The following CDH13 variants were observed in gnomAD, a reference collection of about 807,000 sequenced individuals.
The protein encoded by CDH13 is cadherin-13.
Under a neutral mutation model 63.8 loss-of-function variants are expected in CDH13, and 24 were observed. The observed-to-expected ratio is 0.38, with a 90% CI of 0.27 to 0.53. The LOEUF (loss-of-function observed/expected upper bound fraction) is 0.53, where lower values mean the gene tolerates loss of function less well. Ranked by LOEUF, CDH13 falls within the 20% of genes least tolerant of loss-of-function variation. CDH13 has a pLI of 0.85. For missense variants in CDH13, 1,049 were observed against 903.1 expected (o/e 1.16, Z -2.07); for synonymous variants, 503 against 355.3 (o/e 1.42, Z -4.67).
intron 3 of CDH13, among the ~76,000 whole-genome samples, chr16:83,077,643 G>A (rs1418869033): frequency 6.6e-6 from 1 of 152,136 alleles, no homozygotes; most frequent in Non-Finnish European, 1.5e-5. Flanking sequence ...TCCAGCTTTT[G>A]ATTACAATGA....
At chr16:82,747,965 C>T (rs2034251964) in intron 1 of CDH13, among the ~76,000 whole-genome samples, 1 of 152,172 alleles carries the variant, frequency 6.6e-6, no homozygotes, top group African/African-American at 2.4e-5. Context: ...TTGATAATAC[C>T]TGGAAAAGCT....
chr16:83,004,651 C>T (rs1567735521), intron 2 of CDH13, among the ~76,000 whole-genome samples: 1 of 152,064 alleles, frequency 6.6e-6, no homozygotes, highest in Non-Finnish European at 1.5e-5. Context: ...GTGCCCGCCA[C>T]CACACCCAGC....
chr16:82,869,002 A>G (rs2040251413), intron 2 of CDH13, among the ~76,000 whole-genome samples: 1 of 152,192 alleles, frequency 6.6e-6, no homozygotes, highest in Non-Finnish European at 1.5e-5. Flanking sequence ...GTCTGTTTTG[A>G]GGGCTAAATA....
intron 10 of CDH13, among the ~76,000 whole-genome samples, chr16:83,738,721 C>T (rs1052619311): frequency 5.9e-5 from 9 of 152,152 alleles, no homozygotes; most frequent in Non-Finnish European, 1.3e-4. Flanking sequence ...GCCTGGCCAA[C>T]ATAGTGAAAC....
chr16:83,223,233 G>C (rs908248484), intron 5 of CDH13, among the ~76,000 whole-genome samples: 1 of 152,146 alleles, frequency 6.6e-6, no homozygotes, highest in Non-Finnish European at 1.5e-5. Flanking sequence ...GTCTTGTAAG[G>C]CCATTCTCTT....
intron 1 of CDH13, among the ~76,000 whole-genome samples, chr16:82,760,366 C>T (rs561446688): frequency 6.6e-6 from 1 of 152,130 alleles, no homozygotes; most frequent in Non-Finnish European, 1.5e-5. Flanking sequence ...GTGGCCACAT[C>T]ATAGTCATTT....
intron 2 of CDH13, among the ~76,000 whole-genome samples, chr16:82,986,922 A>G (rs1016208416): frequency 3.3e-5 from 5 of 152,324 alleles, no homozygotes; most frequent in South Asian, 2.1e-4. Flanking sequence ...GGTTTGGGTG[A>G]GTTAAGTCTA....
At chr16:83,474,533 T>C (rs2073549641) in intron 6 of CDH13, among the ~76,000 whole-genome samples, 1 of 152,196 alleles carries the variant, frequency 6.6e-6, no homozygotes, top group African/African-American at 2.4e-5. Context: ...CAGGCCATGT[T>C]TGCTCAACCT....
chr16:82,847,681 G>C (rs9931781), intron 1 of CDH13, among the ~76,000 whole-genome samples: 219 of 152,262 alleles, frequency 1.4e-3, no homozygotes, highest in African/African-American at 5.2e-3. Flanking sequence ...GTAGGGTGAG[G>C]ACATCTTTAG....
At chr16:83,176,615 T>C (rs1408659141) in intron 4 of CDH13, among the ~76,000 whole-genome samples, 2 of 151,676 alleles carry the variant, frequency 1.3e-5, no homozygotes, top group African/African-American at 4.8e-5. Context: ...ATTATAAATA[T>C]AATTCCACTG....
intron 5 of CDH13, among the ~76,000 whole-genome samples, chr16:83,312,739 A>G (rs779571661): frequency 7.2e-5 from 11 of 152,348 alleles, no homozygotes; most frequent in Admixed American, 7.2e-4. Flanking sequence ...GTAATTACAT[A>G]AAATAAAACC....
At chr16:82,658,697 A>G (rs1313742974) in intron 1 of CDH13, among the ~76,000 whole-genome samples, 1 of 152,240 alleles carries the variant, frequency 6.6e-6, no homozygotes, top group East Asian at 1.9e-4. Flanking sequence ...CACCCCACTC[A>G]GCACATGGTG....
intron 1 of CDH13, among the ~76,000 whole-genome samples, chr16:82,714,284 A>G (rs1045211268): frequency 6.6e-6 from 1 of 152,204 alleles, no homozygotes; most frequent in African/African-American, 2.4e-5. Context: ...GTGTTCCCCC[A>G]AAAGATATGT....
At position 83,510,472 on chromosome 16, in the gene CDH13, A is replaced by T. The variant is rs540017817; in HGVS notation, c.960+23817A>T. Among the ~76,000 whole-genome samples, 176 of 152,316 alleles carry T rather than the reference A, an allele frequency of 1.2e-3. 3 individuals are homozygous for T. The highest frequency in any genetic ancestry group is 4.1e-3 in the African/African-American group (172 of 41,568). On this transcript the variant is annotated intron_variant, in intron 7 of 13. Transcript: ENST00000567109. ...TACACAACACACCAATGAAGGAATA[A>T]TTTTCTTTTGCAAAGTTTTCATTTC...
At chr16:83,395,507 CT>C (rs1237736106) in intron 6 of CDH13, among the ~76,000 whole-genome samples, 1 of 152,086 alleles carries the variant, frequency 6.6e-6, no homozygotes, top group African/African-American at 2.4e-5. Context: ...TAGGTTTGAC[CT>C]CCTGGAGGCC....
At chr16:83,033,086 TTA>T (rs1916521258) in intron 3 of CDH13, among the ~76,000 whole-genome samples, 1 of 152,246 alleles carries the variant, frequency 6.6e-6, no homozygotes. Context: ...TACCATATAC[TTA>T]TGTGTATATG....
intron 1 of CDH13, among the ~76,000 whole-genome samples, chr16:82,805,909 A>G (rs2037116451): frequency 6.6e-6 from 1 of 152,160 alleles, no homozygotes. Flanking sequence ...TGGTACGCAC[A>G]TTTCTGTTTT....
At chr16:83,282,701 T>G (rs2062276078) in intron 5 of CDH13, among the ~76,000 whole-genome samples, 1 of 152,170 alleles carries the variant, frequency 6.6e-6, no homozygotes, top group African/African-American at 2.4e-5. Context: ...GGCAAAGAAA[T>G]AAGTTCTTCC....
At chr16:82,633,765 C>G (rs181220654) in intron 1 of CDH13, among the ~76,000 whole-genome samples, 1 of 152,322 alleles carries the variant, frequency 6.6e-6, no homozygotes, top group South Asian at 2.1e-4. Flanking sequence ...ACAGTTAACA[C>G]CCACGGCCGT....
Sources: allele counts gnomAD v4.1 joint callset (sites outside exome capture counted in the v4.1 genomes callset), GRCh38; gene constraint gnomAD v4.1.1; transcripts MANE v1.5; gene names NCBI Gene and HGNC (gene_info 2026-07-23, HGNC 2026-07-21).